Variants in ASXL3 observed in about 807,000 individuals in gnomAD.
The protein encoded by ASXL3 is ASXL transcriptional regulator 3.
A neutral mutation model predicts 170.6 loss-of-function variants in ASXL3; 34 were observed. The ratio of observed to expected loss-of-function variants is 0.20; its 90% CI spans 0.15 to 0.27. ASXL3 has a LOEUF of 0.27. Among genes scored for constraint, ASXL3 ranks in the 10% least tolerant of loss-of-function variants. The pLI is 1.00. For synonymous variants in ASXL3, 1,002 were observed against 989.1 expected (o/e 1.01, Z -0.24); for missense variants, 2,592 against 2,695.3 (o/e 0.96, Z 0.85).
intron 7 of ASXL3, among the ~76,000 whole-genome samples, chr18:33,672,637 G>A (rs546063967): frequency 9.2e-5 from 14 of 152,280 alleles, no homozygotes; most frequent in Admixed American, 9.2e-4. Context: ...AACCTGGATC[G>A]TTACAATATT....
At chr18:33,609,698 A>G (rs1376455471) in intron 2 of ASXL3, among the ~76,000 whole-genome samples, 1 of 151,926 alleles carries the variant, frequency 6.6e-6, no homozygotes, top group African/African-American at 2.4e-5. Flanking sequence ...CTACATCACT[A>G]TTTGTCCTTC....
chr18:33,669,723 T>C (rs948463120), intron 5 of ASXL3, among the ~76,000 whole-genome samples: 1 of 152,092 alleles, frequency 6.6e-6, no homozygotes, highest in African/African-American at 2.4e-5. Context: ...TGTTGTAAAA[T>C]TGGTAGAAAT....
At chr18:33,730,793 T>C (rs1389754478) in intron 8 of ASXL3, among the ~76,000 whole-genome samples, 1 of 152,180 alleles carries the variant, frequency 6.6e-6, no homozygotes, top group Non-Finnish European at 1.5e-5. Flanking sequence ...TTCATATGAG[T>C]GGCTTAACAA....
intron 6 of ASXL3, 26 bp from the exon 7 acceptor site, chr18:33,671,721 G>A: frequency 1.3e-6 from 2 of 1,565,642 alleles, no homozygotes; most frequent in Non-Finnish European, 1.7e-6. Flanking sequence ...AGAAGATAAT[G>A]ACATAATAAC....
Position 33,739,638 on chromosome 18 carries a change from G to C in ASXL3, c.2234G>C (p.Ser745Thr). ...LLTSETTFVSSLPLPSETSPI... is the reference protein window; with the variant it reads ...LLTSETTFVSTLPLPSETSPI... ...ACCTCTGAGACCACTTTTGTATCCA[G>C]TTTGCCACTTCCTTCAGAAACATCT... Residue 745 changes from serine (S) to threonine (T), a missense_variant, in exon 11 of 12, where the codon AGT (serine) becomes ACT (threonine). Coordinates refer to ENST00000269197, the MANE Select transcript of ASXL3 (RefSeq NM_030632.3). 6.2e-7 allele frequency: 1 copy of C among 1,613,812 alleles called. No homozygotes were observed. Among genetic ancestry groups the C allele is most frequent in the Non-Finnish European group, 8.5e-7 (1 of 1,179,820 alleles).
At chr18:33,646,635 G>T (rs138932253) in intron 4 of ASXL3, among the ~76,000 whole-genome samples, 1 of 151,840 alleles carries the variant, frequency 6.6e-6, no homozygotes, top group Admixed American at 6.6e-5. Flanking sequence ...AAGTGAGAGG[G>T]TTACTGGGGG....
At chr18:33,666,759 C>T (rs775544116) in intron 5 of ASXL3, among the ~76,000 whole-genome samples, 1 of 151,970 alleles carries the variant, frequency 6.6e-6, no homozygotes, top group Non-Finnish European at 1.5e-5. Context: ...GCCAGATGGT[C>T]GATTGAACAA....
chr18:33,745,968 G>A lies in ASXL3; in HGVS notation c.6120G>A (p.Pro2040=), dbSNP rs776043719. The change falls in exon 12 of 12, where the codon CCG becomes CCA. Residue 2040 remains proline (P), a synonymous_variant. Coordinates refer to ENST00000269197, the MANE Select transcript of ASXL3 (RefSeq NM_030632.3). The part of the protein sequence containing the change: ...ALPPPPPPPP[P]LPPPLPNAEV... The stretch of plus-strand genomic sequence containing the variant: ...CCCCGCCTCCCCCCCCACCACCTCC[G>A]CTACCTCCACCTCTCCCTAATGCAG... The A allele has an allele frequency of 3.2e-5, 22 of 684,488 alleles. No individual in the cohort carries two copies. Among genetic ancestry groups the A allele is most frequent in the East Asian group, 1.5e-4 (1 of 6,648 alleles). 42.4% of individuals were successfully genotyped at this position (684,488 alleles called of 1,614,324 possible). A position where few individuals can be genotyped will look rare whatever the true frequency, so the allele number is the denominator to read the frequency against.
At chr18:33,723,309 C>T (rs1402762665) in intron 8 of ASXL3, among the ~76,000 whole-genome samples, 10 of 152,086 alleles carry the variant, frequency 6.6e-5, no homozygotes, top group Non-Finnish European at 1.5e-4. Context: ...ATTCACCATT[C>T]TGGATGCCAT....
intron 10 of ASXL3, among the ~76,000 whole-genome samples, chr18:33,735,642 G>A (rs1369124802): frequency 2.0e-5 from 3 of 152,112 alleles, no homozygotes; most frequent in Non-Finnish European, 4.4e-5. Context: ...GAACCCTGGA[G>A]GATAAGATTA....
intron 7 of ASXL3, among the ~76,000 whole-genome samples, chr18:33,682,703 C>T (rs2066533064): frequency 6.6e-6 from 1 of 152,090 alleles, no homozygotes; most frequent in Non-Finnish European, 1.5e-5. Context: ...CATGCCACCA[C>T]ACCTGCCTAA....
At chr18:33,628,267 TC>T (rs1388632405) in intron 2 of ASXL3, among the ~76,000 whole-genome samples, 3 of 152,132 alleles carry the variant, frequency 2.0e-5, no homozygotes, top group Admixed American at 6.6e-5. Flanking sequence ...TCTCGCCCAT[TC>T]CAAAGCTCAG....
At chr18:33,728,410 T>TC (rs1359394700) in intron 8 of ASXL3, among the ~76,000 whole-genome samples, 7 of 152,182 alleles carry the variant, frequency 4.6e-5, no homozygotes, top group Non-Finnish European at 1.0e-4. Flanking sequence ...TTTTCCCTTT[T>TC]AATCTTTCTA....
At chr18:33,708,566 G>T (rs544619862) in intron 8 of ASXL3, among the ~76,000 whole-genome samples, 1 of 152,216 alleles carries the variant, frequency 6.6e-6, no homozygotes, top group South Asian at 2.1e-4. Flanking sequence ...TTTTGTACTG[G>T]ATAATCCTCT....
chr18:33,621,861 G>C (rs2065519661), intron 2 of ASXL3, among the ~76,000 whole-genome samples: 1 of 152,066 alleles, frequency 6.6e-6, no homozygotes, highest in African/African-American at 2.4e-5. Flanking sequence ...TCTCTTTTCA[G>C]ATTTTCCCCA....
Position 33,743,185 on chromosome 18 carries a change from A to C in ASXL3, c.3337A>C (p.Lys1113Gln). 1.9e-6 allele frequency: 3 copies of C among 1,613,938 alleles called. No homozygotes were observed. Among genetic ancestry groups the C allele is most frequent in the Non-Finnish European group, 2.5e-6 (3 of 1,179,880 alleles). Residue 1113 changes from lysine to glutamine, a missense_variant, in exon 12 of 12, where the codon AAG becomes CAG. Coordinates refer to ENST00000269197, the MANE Select transcript of ASXL3 (RefSeq NM_030632.3). ...GCAGACAAAGGCTAAGCTCTTTGCA[A>C]AGCATCAAGCTCGAGCCCATCTCTT... ...KEQTKAKLFA[K>Q]HQARAHLFQT...
chr18:33,626,533 T>C (rs1191457416), intron 2 of ASXL3: 6 of 152,152 alleles, frequency 3.9e-5, no homozygotes, highest in African/African-American at 7.2e-5. Context: ...TTTTTTTTTT[T>C]CCTCATGCTC....
rs2067753054 is a variant in ASXL3, at chr18:33,745,052, G to T, written c.5204G>T (p.Ser1735Ile). The T allele has an allele frequency of 1.2e-6, 2 of 1,614,038 alleles. No homozygotes were observed. The highest frequency in any genetic ancestry group is 8.5e-7 in the Non-Finnish European group (1 of 1,179,904). Residue 1735 changes from serine (S) to isoleucine (I), a missense_variant, in exon 12 of 12, where the codon AGC becomes ATC. By Grantham distance (142) the Ser-to-Ile change is moderately radical. Coordinates refer to ENST00000269197, the MANE Select transcript of ASXL3 (RefSeq NM_030632.3). ...DALKRVPGAGSSGCRLSSVEA... is the reference protein window; with the variant it reads ...DALKRVPGAGISGCRLSSVEA... ...CTGAAGAGAGTCCCTGGTGCAGGGA[G>T]CTCAGGCTGTCGTCTGTCCTCTGTG...
chr18:33,728,350 C>A (rs964806046), intron 8 of ASXL3, among the ~76,000 whole-genome samples: 1 of 152,146 alleles, frequency 6.6e-6, no homozygotes, highest in African/African-American at 2.4e-5. Context: ...AGAGAACTTG[C>A]CTTCCACCTA....
Sources: gnomAD v4.1 joint callset for allele counts (sites outside exome capture counted in the v4.1 genomes callset) on GRCh38, gnomAD v4.1.1 for gene constraint, MANE v1.5 for transcripts, NCBI Gene and HGNC (gene_info 2026-07-23, HGNC 2026-07-21) for gene names.